CSMD1: variants seen among roughly 807,000 people sequenced by gnomAD.
The protein encoded by CSMD1 is CUB and Sushi multiple domains 1, also known as CUB and sushi domain-containing protein 1.
CSMD1 carries 213 observed loss-of-function variants against 417.5 expected under a neutral mutation model. The ratio of observed to expected loss-of-function variants is 0.51; its 90% CI spans 0.46 to 0.57. The LOEUF (loss-of-function observed/expected upper bound fraction) is 0.57. Among genes scored for constraint, CSMD1 ranks in the 20% least tolerant of loss-of-function variants. The pLI, the probability that CSMD1 is intolerant of heterozygous loss-of-function variation, is 0.00. For synonymous variants in CSMD1, 2,862 were observed against 1,736.8 expected (o/e 1.65, Z -16.11); for missense variants, 6,923 against 4,529.7 (o/e 1.53, Z -15.17).
rs200516718 is a variant in CSMD1 at position 3,492,835 on chromosome 8, T to TC, written c.1448+787dup. On this transcript the variant is annotated intron_variant, in intron 11 of 69. Transcript: ENST00000635120. Reference sequence around the variant, plus strand: ...TACACTGAGTCACCCCCAACACTTTTCCCCCCCATGTCTGTTACTTTATTA... The same window carrying TC: ...TACACTGAGTCACCCCCAACACTTTTCCCCCCCCATGTCTGTTACTTTATTA... Among the ~76,000 whole-genome samples, 552 of 151,462 alleles carry TC rather than the reference T, an allele frequency of 3.6e-3. 3 individuals are homozygous for TC. The highest frequency in any genetic ancestry group is 0.013 in the African/African-American group (521 of 41,234).
intron 1 of CSMD1, among the ~76,000 whole-genome samples, chr8:4,775,101 G>C (rs1417424837): frequency 6.6e-6 from 1 of 152,184 alleles, no homozygotes; most frequent in Non-Finnish European, 1.5e-5. Context: ...AAGAGCAACA[G>C]AAGGAAATAT....
At position 3,097,531 on chromosome 8, in the gene CSMD1, C is replaced by T. The variant is rs181223802; in HGVS notation, c.6950-494G>A. Among the ~76,000 whole-genome samples the T allele has an allele frequency of 1.5e-3, 233 of 152,244 alleles. 1 individual carries two copies. The highest frequency in any genetic ancestry group is 2.6e-3 in the Non-Finnish European group (174 of 68,026). On this transcript the variant is annotated intron_variant, in intron 46 of 69. Transcript: ENST00000635120. ...ATGCTGCAGATGGTCCAGAATCCTA[C>T]GTCGTTTCTGGTGCAATCACATCAT...
chr8:3,321,131 C>T (rs1267060786), intron 23 of CSMD1, among the ~76,000 whole-genome samples: 1 of 151,660 alleles, frequency 6.6e-6, no homozygotes, highest in Non-Finnish European at 1.5e-5. Flanking sequence ...CGTGCAAAGC[C>T]CCCTGCACCC....
intron 3 of CSMD1, among the ~76,000 whole-genome samples, chr8:4,313,785 G>A (rs1434676435): frequency 1.3e-5 from 2 of 152,012 alleles, no homozygotes; most frequent in African/African-American, 4.8e-5. Context: ...GGAGGCCAAG[G>A]CAGGCGGATC....
intron 7 of CSMD1, among the ~76,000 whole-genome samples, chr8:3,663,350 G>A (rs1408174230): frequency 6.6e-6 from 1 of 152,078 alleles, no homozygotes; most frequent in East Asian, 1.9e-4. Context: ...TTTGGAACAT[G>A]GCAAGTTTGA....
At chr8:3,527,915 G>C (rs1797821639) in intron 10 of CSMD1, among the ~76,000 whole-genome samples, 1 of 152,152 alleles carries the variant, frequency 6.6e-6, no homozygotes, top group African/African-American at 2.4e-5. Context: ...GCTAAGTCTT[G>C]GTTGTAGGGC....
At chr8:4,274,062 G>A (rs1333478111) in intron 3 of CSMD1, among the ~76,000 whole-genome samples, 1 of 152,076 alleles carries the variant, frequency 6.6e-6, no homozygotes, top group Non-Finnish European at 1.5e-5. Context: ...AAGAAACTGT[G>A]ACTTTATTGT....
At chr8:4,555,190 T>G (rs945269893) in intron 2 of CSMD1, among the ~76,000 whole-genome samples, 3 of 152,144 alleles carry the variant, frequency 2.0e-5, no homozygotes, top group Non-Finnish European at 2.9e-5. Context: ...GATGGCAGAT[T>G]GGTAGGAATA....
chr8:3,081,603 C>A (rs1395788084), intron 49 of CSMD1, among the ~76,000 whole-genome samples: 1 of 152,002 alleles, frequency 6.6e-6, no homozygotes, highest in Non-Finnish European at 1.5e-5. Context: ...TCTCAATGAC[C>A]TTCTCTATGA....
chr8:4,980,726 G>C (rs1285623765), intron 1 of CSMD1, among the ~76,000 whole-genome samples: 2 of 152,010 alleles, frequency 1.3e-5, no homozygotes, highest in Non-Finnish European at 2.9e-5. Context: ...AACAGGACAA[G>C]ACCCTGTCTC....
intron 1 of CSMD1, among the ~76,000 whole-genome samples, chr8:4,706,490 T>A (rs1807947824): frequency 6.6e-6 from 1 of 152,108 alleles, no homozygotes; most frequent in Admixed American, 6.5e-5. Flanking sequence ...GGAAAGTAAA[T>A]ATAGCATTAA....
At chr8:4,906,644 A>G (rs1024140533) in intron 1 of CSMD1, among the ~76,000 whole-genome samples, 3 of 151,346 alleles carry the variant, frequency 2.0e-5, no homozygotes, top group Non-Finnish European at 2.9e-5. Context: ...GCAACCTCCA[A>G]CTCCGGGGTT....
intron 4 of CSMD1, among the ~76,000 whole-genome samples, chr8:4,014,888 T>C (rs1368937356): frequency 6.6e-6 from 1 of 152,090 alleles, no homozygotes; most frequent in African/African-American, 2.4e-5. Context: ...AAGCTGAAAA[T>C]AATGGGCAGA....
chr8:3,250,389 C>T (rs1379105010), intron 26 of CSMD1, among the ~76,000 whole-genome samples: 1 of 152,198 alleles, frequency 6.6e-6, no homozygotes, highest in Non-Finnish European at 1.5e-5. Context: ...GACATGAACT[C>T]ATTATTTTTT....
At chr8:3,474,666 T>C (rs939770325) in intron 11 of CSMD1, among the ~76,000 whole-genome samples, 7 of 152,172 alleles carry the variant, frequency 4.6e-5, no homozygotes, top group South Asian at 2.1e-4. Flanking sequence ...TAAGGGGAAA[T>C]TGGTTTTGGT....
At chr8:3,608,761 C>G (rs1430821332) in intron 8 of CSMD1, among the ~76,000 whole-genome samples, 1 of 42,982 alleles carries the variant, frequency 2.3e-5, no homozygotes, top group Non-Finnish European at 6.1e-5. Context: ...GAGACTCTGT[C>G]TCAAAAAAAA....
intron 7 of CSMD1, among the ~76,000 whole-genome samples, chr8:3,650,764 T>G (rs1199036124): frequency 6.6e-6 from 1 of 152,200 alleles, no homozygotes; most frequent in Non-Finnish European, 1.5e-5. Flanking sequence ...TGCAAAAATG[T>G]GATTTTTTTC....
intron 3 of CSMD1, among the ~76,000 whole-genome samples, chr8:4,159,228 T>C (rs1488052267): frequency 6.6e-6 from 1 of 152,212 alleles, no homozygotes; most frequent in Non-Finnish European, 1.5e-5. Flanking sequence ...TAATTCTTTA[T>C]TGATAGATAA....
intron 6 of CSMD1, among the ~76,000 whole-genome samples, chr8:3,720,873 G>C (rs1042418130): frequency 4.6e-5 from 7 of 150,932 alleles, no homozygotes; most frequent in African/African-American, 7.4e-5. Context: ...GTGCAATGGC[G>C]TGATCTCGGC....
Sources: gnomAD v4.1 joint callset for allele counts (sites outside exome capture counted in the v4.1 genomes callset) on GRCh38, gnomAD v4.1.1 for gene constraint, MANE v1.5 for transcripts, NCBI Gene and HGNC (gene_info 2026-07-23, HGNC 2026-07-21) for gene names.